Variants in PLA2G2C observed in about 807,000 individuals in gnomAD.
PLA2G2C encodes the protein putative inactive group IIC secretory phospholipase A2.
Under a neutral mutation model 14.3 loss-of-function variants are expected in PLA2G2C, and 15 were observed. That is an observed-to-expected ratio of 1.05 (90% CI 0.70 to 1.62). PLA2G2C has a LOEUF of 1.62. Ranked by LOEUF, PLA2G2C falls within the 40% of genes most tolerant of loss-of-function variation. The pLI is 0.00. For missense variants in PLA2G2C, 162 were observed against 173.2 expected (o/e 0.94, Z 0.36); for synonymous variants, 79 against 67.7 (o/e 1.17, Z -0.82).
intron 1 of PLA2G2C, among the ~76,000 whole-genome samples, chr1:20,177,967 AC>A (rs1243915477): frequency 6.6e-6 from 1 of 152,154 alleles, no homozygotes; most frequent in Non-Finnish European, 1.5e-5. Context: ...ACATGGTTTG[AC>A]CCTTACAACT....
In PLA2G2C at chr1:20,163,808, C is replaced by T. The variant is rs1350272618; in HGVS notation, c.*183G>A. 3.0e-6 allele frequency: 2 copies of T among 656,740 alleles called. No individual in the cohort carries two copies. Among genetic ancestry groups the T allele is most frequent in the African/African-American group, 3.7e-5 (2 of 54,512 alleles). 40.7% of individuals were successfully genotyped at this position (656,740 alleles called of 1,614,324 possible). A position where few individuals can be genotyped will look rare whatever the true frequency, so the allele number is the denominator to read the frequency against. On this transcript the variant is annotated 3_prime_UTR_variant, in exon 5 of 5. Transcript: ENST00000679259. Reference sequence around the variant, plus strand: ...TTTCCCATTTCTGCTCTCCAGCCCTCTGATGCTGAACGACAGGGAGTCCCC... The same window carrying T: ...TTTCCCATTTCTGCTCTCCAGCCCTTTGATGCTGAACGACAGGGAGTCCCC...
At chr1:20,173,519 A>G (rs1569931625) in intron 3 of PLA2G2C, among the ~76,000 whole-genome samples, 1 of 152,148 alleles carries the variant, frequency 6.6e-6, no homozygotes, top group East Asian at 1.9e-4. Context: ...CCCAGGACAC[A>G]AACCTAGGCC....
chr1:20,172,890 G>C lies in PLA2G2C; in HGVS notation c.187C>G (p.Pro63Ala), dbSNP rs750375561. ...IPVDDTDRHS[P>A]SSPSPYEKLK... is the part of the protein sequence containing the mutation. ...TTCTCGTAGGGAGAGGGAGATGAGGGGCTGTGCCTGGAAGTGGGTCCCTCA... is the reference window on the plus strand; with the variant it reads ...TTCTCGTAGGGAGAGGGAGATGAGGCGCTGTGCCTGGAAGTGGGTCCCTCA... The change falls in exon 4 of 5, where the codon CCC (proline) becomes GCC (alanine). Residue 63 changes from proline (P) to alanine (A), a missense_variant. Transcript: ENST00000679259. 1 of 1,613,358 alleles carries C rather than the reference G, an allele frequency of 6.2e-7. No homozygotes were observed. Among genetic ancestry groups the C allele is most frequent in the Non-Finnish European group, 8.5e-7 (1 of 1,179,650 alleles).
chr1:20,183,112 G>A (rs1412681058), intron 1 of PLA2G2C, among the ~76,000 whole-genome samples: 1 of 152,224 alleles, frequency 6.6e-6, no homozygotes, highest in Non-Finnish European at 1.5e-5. Flanking sequence ...GATGTACACT[G>A]TAAGTGAAGA....
intron 1 of PLA2G2C, among the ~76,000 whole-genome samples, chr1:20,179,986 G>A (rs1274242910): frequency 2.0e-5 from 3 of 150,944 alleles, no homozygotes; most frequent in Non-Finnish European, 4.4e-5. Flanking sequence ...CTCTGTGTGT[G>A]TGTTAGCTTC....
chr1:20,171,172 C>A (rs1192347290), intron 4 of PLA2G2C, among the ~76,000 whole-genome samples: 1 of 97,244 alleles, frequency 1.0e-5, no homozygotes, highest in Non-Finnish European at 2.2e-5. Context: ...CCCTGGAGGC[C>A]ACCTTCTCCA....
chr1:20,171,455 T>TCC (rs2018071479), intron 4 of PLA2G2C, among the ~76,000 whole-genome samples: 1 of 152,124 alleles, frequency 6.6e-6, no homozygotes, highest in East Asian at 1.9e-4. Flanking sequence ...ACACAGCTGG[T>TCC]GCCAGGGAGA....
chr1:20,172,226 T>A (rs972104370), intron 4 of PLA2G2C, among the ~76,000 whole-genome samples: 1 of 152,086 alleles, frequency 6.6e-6, no homozygotes, highest in Admixed American at 6.5e-5. Context: ...ACCCATACCC[T>A]ACCAGCCGCA....
intron 1 of PLA2G2C, among the ~76,000 whole-genome samples, chr1:20,181,969 T>G (rs2018284974): frequency 6.6e-6 from 1 of 152,160 alleles, no homozygotes; most frequent in Admixed American, 6.5e-5. Context: ...AATCTGAGCC[T>G]CACCTTCCTC....
intron 2 of PLA2G2C, 119 bp from the exon 3 acceptor site, chr1:20,175,264 C>T (rs1020166633): frequency 2.1e-5 from 30 of 1,454,008 alleles, no homozygotes; most frequent in Middle Eastern, 2.2e-4. Context: ...ATCCCCAAAG[C>T]GAAGTGCAAG....
chr1:20,166,908 G>T (rs955715051), intron 4 of PLA2G2C, among the ~76,000 whole-genome samples: 1 of 152,192 alleles, frequency 6.6e-6, no homozygotes, highest in Non-Finnish European at 1.5e-5. Context: ...TCATGACCTG[G>T]ATGATGAGAC....
chr1:20,183,739 G>T (rs912457169), intron 1 of PLA2G2C, among the ~76,000 whole-genome samples: 1 of 152,206 alleles, frequency 6.6e-6, no homozygotes, highest in Non-Finnish European at 1.5e-5. Flanking sequence ...TTAACTTCAA[G>T]GAAGAGAGCA....
intron 3 of PLA2G2C, 73 bp downstream of exon 3, chr1:20,174,934 C>G (rs1028632685): frequency 2.1e-6 from 3 of 1,403,956 alleles, no homozygotes; most frequent in Middle Eastern, 1.9e-4. Context: ...AATCCTAACA[C>G]CCTCTCTCTG....
intron 1 of PLA2G2C, among the ~76,000 whole-genome samples, chr1:20,179,238 T>TG: frequency 8.0e-6 from 1 of 125,272 alleles, no homozygotes; most frequent in Non-Finnish European, 1.7e-5. Context: ...GTGTGTGTGT[T>TG]AGCTTGTTCT....
chr1:20,179,510 T>C (rs1461216218), intron 1 of PLA2G2C, among the ~76,000 whole-genome samples: 1 of 150,982 alleles, frequency 6.6e-6, no homozygotes, highest in East Asian at 2.0e-4. Flanking sequence ...CTTCTCCCTC[T>C]ATGTCAGTTT....
chr1:20,172,953 G>A, intron 3 of PLA2G2C, 56 bp from the exon 4 acceptor site: 5 of 1,328,044 alleles, frequency 3.8e-6, no homozygotes, highest in Non-Finnish European at 5.4e-6. Flanking sequence ...GACTAGAAAG[G>A]GCTCACCTGC....
At chr1:20,173,585 C>T (rs754092675) in intron 3 of PLA2G2C, among the ~76,000 whole-genome samples, 4 of 152,196 alleles carry the variant, frequency 2.6e-5, no homozygotes, top group South Asian at 2.1e-4. Context: ...GGCACTGTAA[C>T]GGTCTCTGAG....
Position 20,164,006 on chromosome 1 carries a change from AT to A in PLA2G2C, c.434del (p.His145LeufsTer98). 1.2e-6 allele frequency: 2 copies of A among 1,613,056 alleles called. No homozygotes were observed. The highest frequency in any genetic ancestry group is 1.7e-6 in the Non-Finnish European group (2 of 1,179,528). ...TGTGGTGTCCCTAGCACCAGGGCTT[AT>A]GTCTGCCACACCTGGGCTGGCTGGA... is the stretch of plus-strand genomic sequence containing the variant. Reference protein sequence around the residue: ...QFSSQPRCGRHKPWC With the variant: ...QFSSQPRCGRXKPWC On this transcript the variant is annotated frameshift_variant, in exon 5 of 5. Coordinates refer to ENST00000679259, the MANE Select transcript of PLA2G2C (RefSeq NM_001367969.2). LOFTEE classifies it high-confidence loss of function.
At chr1:20,185,130 T>C (rs1395893004) in intron 1 of PLA2G2C, among the ~76,000 whole-genome samples, 3 of 152,052 alleles carry the variant, frequency 2.0e-5, no homozygotes, top group Admixed American at 2.0e-4. Context: ...GGCGAGACCC[T>C]GTCTCCCCTT....
Sources: allele counts gnomAD v4.1 joint callset (sites outside exome capture counted in the v4.1 genomes callset), GRCh38; gene constraint gnomAD v4.1.1; transcripts MANE v1.5; gene names NCBI Gene and HGNC (gene_info 2026-07-23, HGNC 2026-07-21).